Variants in EML4 observed in about 807,000 individuals in gnomAD.
EML4 encodes the protein echinoderm microtubule-associated protein-like 4.
Under a neutral mutation model 129.0 loss-of-function variants are expected in EML4, and 72 were observed. The observed-to-expected ratio is 0.56, with a 90% CI of 0.46 to 0.68. EML4 has a LOEUF of 0.68. Ranked by LOEUF, EML4 falls within the 30% of genes least tolerant of loss-of-function variation. The pLI, the probability that EML4 is intolerant of heterozygous loss-of-function variation, is 0.00. For missense variants in EML4, 1,363 were observed against 1,190.6 expected (o/e 1.14, Z -2.13); for synonymous variants, 532 against 405.0 (o/e 1.31, Z -3.77).
At chr2:42,323,299 A>G (rs1220772766) in intron 19 of EML4, among the ~76,000 whole-genome samples, 1 of 152,220 alleles carries the variant, frequency 6.6e-6, no homozygotes, top group Non-Finnish European at 1.5e-5. Flanking sequence ...GAACCCTGCC[A>G]TACTCAGAAA....
At chr2:42,187,449 G>A (rs1176729725) in intron 1 of EML4, among the ~76,000 whole-genome samples, 5 of 152,064 alleles carry the variant, frequency 3.3e-5, no homozygotes, top group African/African-American at 1.2e-4. Flanking sequence ...CATCCATGTT[G>A]TTTGTTTCAC....
intron 14 of EML4, among the ~76,000 whole-genome samples, chr2:42,301,920 A>G (rs1668307842): frequency 6.6e-6 from 1 of 152,116 alleles, no homozygotes; most frequent in African/African-American, 2.4e-5. Flanking sequence ...AAGCTATACA[A>G]TCTAGTTCAC....
chr2:42,328,455 C>T (rs1669926589), intron 21 of EML4, among the ~76,000 whole-genome samples: 2 of 152,148 alleles, frequency 1.3e-5, no homozygotes, highest in South Asian at 4.1e-4. Context: ...AGGTGCTTGC[C>T]TGAAAGAAAA....
At chr2:42,279,538 A>T (rs1385271701) in intron 6 of EML4, among the ~76,000 whole-genome samples, 2 of 151,832 alleles carry the variant, frequency 1.3e-5, no homozygotes, top group Non-Finnish European at 2.9e-5. Flanking sequence ...GCTCACTGCA[A>T]GCTCCACCTC....
intron 17 of EML4, among the ~76,000 whole-genome samples, chr2:42,312,651 T>A (rs903501460): frequency 2.0e-5 from 3 of 151,940 alleles, no homozygotes; most frequent in African/African-American, 7.3e-5. Context: ...CCTCCCGGGT[T>A]TAAATGATTC....
At chr2:42,173,825 G>C (rs1240696839) in intron 1 of EML4, among the ~76,000 whole-genome samples, 1 of 152,194 alleles carries the variant, frequency 6.6e-6, no homozygotes. Context: ...CTGGGCCACA[G>C]AGCAAACCTC....
intron 1 of EML4, among the ~76,000 whole-genome samples, chr2:42,189,118 C>T (rs998587941): frequency 6.6e-6 from 1 of 152,038 alleles, no homozygotes; most frequent in Admixed American, 6.5e-5. Flanking sequence ...CCTCCCTACT[C>T]GGCCTCCCAA....
intron 6 of EML4, among the ~76,000 whole-genome samples, chr2:42,277,230 A>G (rs1023591894): frequency 6.6e-6 from 1 of 152,230 alleles, no homozygotes; most frequent in African/African-American, 2.4e-5. Flanking sequence ...CTGCCTTCAG[A>G]AAGTTTGTAA....
chr2:42,188,211 A>G (rs1671375891), intron 1 of EML4, among the ~76,000 whole-genome samples: 2 of 152,074 alleles, frequency 1.3e-5, no homozygotes. Flanking sequence ...AGCAAATACC[A>G]CCTTGTCTTA....
At chr2:42,217,900 C>G (rs1156275064) in intron 1 of EML4, among the ~76,000 whole-genome samples, 1 of 152,166 alleles carries the variant, frequency 6.6e-6, no homozygotes, top group African/African-American at 2.4e-5. Context: ...TGCTGATCAT[C>G]TCACTTTTGG....
chr2:42,210,684 T>A (rs1672838605), intron 1 of EML4, among the ~76,000 whole-genome samples: 1 of 152,232 alleles, frequency 6.6e-6, no homozygotes, highest in African/African-American at 2.4e-5. Flanking sequence ...ATGGATATTT[T>A]GCACTTTGGG....
intron 6 of EML4, among the ~76,000 whole-genome samples, chr2:42,277,802 C>T (rs1170244992): frequency 1.3e-5 from 2 of 152,234 alleles, no homozygotes; most frequent in African/African-American, 2.4e-5. Context: ...CTCCTGACCT[C>T]GTGATCTGTC....
chr2:42,283,730 T>C (rs543202564), intron 8 of EML4, among the ~76,000 whole-genome samples: 2 of 152,308 alleles, frequency 1.3e-5, no homozygotes, highest in South Asian at 4.1e-4. Flanking sequence ...TGCAGAATAA[T>C]GTATGTACAA....
rs1572691637 is a variant in EML4, at chr2:42,286,322, G to C, written c.1065G>C (p.Gln355His). ...ATTCTGTTACTCTATCCACACTGCA[G>C]ATTATTGGACTTGGCACTTTTGAGC... Reference protein sequence around the residue: ...VWDSVTLSTLQIIGLGTFERG... With the variant: ...VWDSVTLSTLHIIGLGTFERG... The change falls in exon 10 of 23, where the codon CAG becomes CAC. Residue 355 changes from glutamine to histidine, a missense_variant. Physicochemically the swap from Gln to His is conservative, Grantham distance 24. Coordinates refer to ENST00000318522, the MANE Select transcript of EML4 (RefSeq NM_019063.5). The C allele has an allele frequency of 2.5e-6, 4 of 1,614,130 alleles. 1 individual carries two copies. The highest frequency in any genetic ancestry group is 2.2e-5 in the South Asian group (2 of 91,082).
intron 1 of EML4, among the ~76,000 whole-genome samples, chr2:42,238,073 A>G (rs996367816): frequency 2.6e-5 from 4 of 152,216 alleles, no homozygotes; most frequent in African/African-American, 9.7e-5. Context: ...TATTTTTTAA[A>G]TACTGTATAA....
At chr2:42,252,390 A>G (rs1675834914) in intron 2 of EML4, among the ~76,000 whole-genome samples, 1 of 152,052 alleles carries the variant, frequency 6.6e-6, no homozygotes, top group Non-Finnish European at 1.5e-5. Context: ...TCACTTTTTC[A>G]TTCACGCTAC....
chr2:42,306,857 C>T (rs1011195594), intron 17 of EML4, among the ~76,000 whole-genome samples: 1 of 151,980 alleles, frequency 6.6e-6, no homozygotes, highest in Non-Finnish European at 1.5e-5. Flanking sequence ...TTATTAATAT[C>T]GTGATTGCAC....
intron 1 of EML4, among the ~76,000 whole-genome samples, chr2:42,218,903 A>G (rs971245249): frequency 5.9e-5 from 9 of 152,122 alleles, no homozygotes; most frequent in Non-Finnish European, 7.3e-5. Flanking sequence ...GGCTCAAGCA[A>G]TCTTCCCATC....
At chr2:42,264,167 G>A (rs1665921700) in intron 5 of EML4, among the ~76,000 whole-genome samples, 1 of 134,020 alleles carries the variant, frequency 7.5e-6, no homozygotes, top group Admixed American at 8.9e-5. Flanking sequence ...GAGTGCCATG[G>A]CACCATCACT....
Sources: allele counts gnomAD v4.1 joint callset (sites outside exome capture counted in the v4.1 genomes callset), GRCh38; gene constraint gnomAD v4.1.1; transcripts MANE v1.5; gene names NCBI Gene and HGNC (gene_info 2026-07-23, HGNC 2026-07-21).